Variants in ENPP2 observed in about 807,000 individuals in gnomAD.
ENPP2 encodes autotaxin.
A neutral mutation model predicts 120.2 loss-of-function variants in ENPP2; 51 were observed. The ratio of observed to expected loss-of-function variants is 0.42; its 90% CI spans 0.34 to 0.54. ENPP2 has a LOEUF of 0.54. ENPP2 is among the 20% of genes least tolerant of loss of function. ENPP2 has a pLI of 0.04. For synonymous variants in ENPP2, 365 were observed against 366.4 expected (o/e 1.00, Z 0.04); for missense variants, 920 against 1,066.5 (o/e 0.86, Z 1.91).
intron 1 of ENPP2, among the ~76,000 whole-genome samples, chr8:119,646,191 G>C (rs577881495): frequency 1.3e-5 from 2 of 151,876 alleles, no homozygotes; most frequent in South Asian, 2.1e-4. Context: ...GGATGGTCTC[G>C]ATCTCCTGAC....
intron 3 of ENPP2, among the ~76,000 whole-genome samples, chr8:119,624,320 C>A (rs900751939): frequency 1.3e-5 from 2 of 151,918 alleles, no homozygotes; most frequent in African/African-American, 2.4e-5. Flanking sequence ...AAATATTTAA[C>A]CTTATTGGAA....
At chr8:119,588,520 CTCCGCCTCAAAAAAAA>C (rs1813273726) in intron 13 of ENPP2, among the ~76,000 whole-genome samples, 1 of 104,078 alleles carries the variant, frequency 9.6e-6, no homozygotes, top group African/African-American at 4.0e-5. Context: ...CAGAACAAAA[CTCCGCCTCAAAAAAAA>C]AAAAAAAAAA....
At chr8:119,618,861 G>A (rs1001058652) in intron 5 of ENPP2, among the ~76,000 whole-genome samples, 1 of 151,930 alleles carries the variant, frequency 6.6e-6, no homozygotes, top group African/African-American at 2.4e-5. Context: ...CAGTTTTAAA[G>A]GTTCTCAGGA....
chr8:119,632,496 A>G (rs1816746196), intron 2 of ENPP2, among the ~76,000 whole-genome samples: 1 of 152,238 alleles, frequency 6.6e-6, no homozygotes, highest in Non-Finnish European at 1.5e-5. Context: ...CTTGAAAAAC[A>G]AATGTTCATA....
intron 2 of ENPP2, among the ~76,000 whole-genome samples, chr8:119,636,896 C>T (rs1817031262): frequency 6.6e-6 from 1 of 152,000 alleles, no homozygotes; most frequent in Non-Finnish European, 1.5e-5. Context: ...CAGCAAGTTA[C>T]AGGACTCCAG....
intron 1 of ENPP2, chr8:119,673,190 T>C: frequency 7.3e-7 from 1 of 1,372,652 alleles, no homozygotes; most frequent in Non-Finnish European, 1.0e-6. Context: ...CTTGACAGAA[T>C]GGCAGCTGTG....
At chr8:119,593,983 T>C (rs1813718328) in intron 11 of ENPP2, 123 bp from the exon 12 acceptor site, 1 of 687,736 alleles carries the variant, frequency 1.5e-6, no homozygotes, top group Non-Finnish European at 2.6e-6. Context: ...CAGAGCTTTG[T>C]CTGGGGAGAT....
chr8:119,587,419 A>G (rs1813191228), intron 13 of ENPP2, among the ~76,000 whole-genome samples: 1 of 152,214 alleles, frequency 6.6e-6, no homozygotes, highest in Non-Finnish European at 1.5e-5. Flanking sequence ...ATTTATTTGC[A>G]GTTTGACCTC....
chr8:119,585,996 T>C (rs16892821), intron 15 of ENPP2, among the ~76,000 whole-genome samples, 190 bp downstream of exon 15: 17,804 of 151,360 alleles, frequency 0.12, 1,109 homozygotes, highest in Middle Eastern at 0.21. Context: ...GACACCACAA[T>C]GCTGAGACCC....
rs1812802870 is a variant in ENPP2, at chr8:119,582,300, G to A, written c.1728+118C>T. 8 of 731,324 alleles carry A rather than the reference G, an allele frequency of 1.1e-5. No homozygotes were observed. In the South Asian group the frequency reaches 1.5e-4, roughly 14 times the overall value. 45.3% of individuals were successfully genotyped at this position (731,324 alleles called of 1,614,324 possible). On this transcript the variant is annotated intron_variant, in intron 18 of 24. Coordinates refer to ENST00000075322, the MANE Select transcript of ENPP2 (RefSeq NM_001040092.3). The stretch of plus-strand genomic sequence containing the variant: ...AGTTCCTCAGTCACACTAGCCAGTA[G>A]CTACCATTTTGGACAGCATAATTAT...
At chr8:119,569,738 T>TTGTGTGTGTGTGTGTGTGTG (rs754303358) in intron 20 of ENPP2, among the ~76,000 whole-genome samples, 1 of 90,760 alleles carries the variant, frequency 1.1e-5, no homozygotes, top group Non-Finnish European at 2.2e-5. Flanking sequence ...AATAGACTAT[T>TTGTGTGTGTGTGTGTGTGTG]TATCTGTGTG....
intron 8 of ENPP2, among the ~76,000 whole-genome samples, chr8:119,614,337 C>T (rs1040386242): frequency 4.6e-5 from 7 of 152,012 alleles, no homozygotes; most frequent in Admixed American, 4.6e-4. Flanking sequence ...AGTGCTGAGC[C>T]ATCGCACATG....
chr8:119,638,655 G>A lies in ENPP2; in HGVS notation c.33+93C>T. On this transcript the variant is annotated intron_variant, in intron 1 of 24. Coordinates refer to ENST00000075322, the MANE Select transcript of ENPP2 (RefSeq NM_001040092.3). Reference sequence around the variant, plus strand: ...CCACTTCCAAAATGCATAATAAGGTGCTATCTTAATTTGCACAACAAAAAG... The same window carrying A: ...CCACTTCCAAAATGCATAATAAGGTACTATCTTAATTTGCACAACAAAAAG... 3 of 1,009,264 alleles carry A rather than the reference G, an allele frequency of 3.0e-6. No homozygotes were observed. In the South Asian group the frequency reaches 3.8e-5, roughly 13 times the overall value. 62.5% of individuals were successfully genotyped at this position (1,009,264 alleles called of 1,614,324 possible). A position where few individuals can be genotyped will look rare whatever the true frequency, so the allele number is the denominator to read the frequency against.
intron 20 of ENPP2, 124 bp downstream of exon 20, chr8:119,570,581 G>A: frequency 1.7e-6 from 1 of 580,052 alleles, no homozygotes; most frequent in Non-Finnish European, 2.9e-6. Flanking sequence ...TCCAACATAG[G>A]ATTTCTGTCA....
chr8:119,670,674 G>A (rs1182043580), intron 1 of ENPP2, among the ~76,000 whole-genome samples: 2 of 152,328 alleles, frequency 1.3e-5, no homozygotes, highest in South Asian at 2.1e-4. Flanking sequence ...AGAGAAAGGG[G>A]CTTTCAGCTG....
intron 19 of ENPP2, among the ~76,000 whole-genome samples, chr8:119,575,231 G>C (rs1244911089): frequency 1.1e-4 from 17 of 152,144 alleles, no homozygotes; most frequent in Non-Finnish European, 2.9e-5. Flanking sequence ...TAATTCAGCT[G>C]CATAGCAGCA....
upstream of ENPP2, among the ~76,000 whole-genome samples, chr8:119,639,250 C>T (rs1817188746): frequency 6.6e-6 from 1 of 152,142 alleles, no homozygotes; most frequent in Admixed American, 6.5e-5. Context: ...GTCAACCTCA[C>T]CACTTTATTT....
chr8:119,577,023 C>T (rs755323682), intron 19 of ENPP2, among the ~76,000 whole-genome samples: 1 of 152,104 alleles, frequency 6.6e-6, no homozygotes, highest in Non-Finnish European at 1.5e-5. Context: ...TCCCTGTGAT[C>T]GTTTCACTAT....
In ENPP2 at chr8:119,602,397, C is replaced by T. The variant is rs1029462313; in HGVS notation, c.834-935G>A. On this transcript the variant is annotated intron_variant, in intron 9 of 24. Transcript: ENST00000075322. ...GCTTGAATCCAGGAGGCAGAGGTTG[C>T]AGTGAGCCAAGATTACAGCATTACA... Among the ~76,000 whole-genome samples, 20 of 147,584 alleles carry T rather than the reference C, an allele frequency of 1.4e-4. 1 individual carries two copies. The highest frequency in any genetic ancestry group is 1.0e-3 in the Admixed American group (15 of 14,404).
Sources: gnomAD v4.1 joint callset for allele counts (sites outside exome capture counted in the v4.1 genomes callset) on GRCh38, gnomAD v4.1.1 for gene constraint, MANE v1.5 for transcripts, NCBI Gene and HGNC (gene_info 2026-07-23, HGNC 2026-07-21) for gene names.